The following EDA variants were observed in gnomAD, a reference collection of about 807,000 sequenced individuals.
The protein encoded by EDA is ectodysplasin A, also known as ectodysplasin-A.
EDA carries 2 observed loss-of-function variants against 23.6 expected under a neutral mutation model. The ratio of observed to expected loss-of-function variants is 0.08; its 90% CI spans 0.03 to 0.27. The LOEUF (loss-of-function observed/expected upper bound fraction) is 0.27, where lower values mean the gene tolerates loss of function less well. Ranked by LOEUF, EDA falls within the 10% of genes least tolerant of loss-of-function variation. The probability of loss-of-function intolerance (pLI) is 1.00; values close to 1 mark genes in which losing one functional copy is unlikely to be tolerated. For missense variants in EDA, 229 were observed against 324.2 expected, an observed-to-expected ratio of 0.71 and a Z score of 2.26; for synonymous variants, 131 against 132.0, an observed-to-expected ratio of 0.99 and a Z score of 0.05.
At chrX:69,778,006 A>G (rs2014835656) in intron 1 of EDA, among the ~76,000 whole-genome samples, 1 of 111,439 alleles carries the variant, frequency 9.0e-6, no homozygotes, top group South Asian at 3.7e-4. Context: ...CTCCTATCAT[A>G]AGACGTTGCT....
chrX:69,840,683 A>C (rs1416330224), intron 1 of EDA, among the ~76,000 whole-genome samples: 1 of 112,369 alleles, frequency 8.9e-6, no homozygotes, highest in African/African-American at 3.2e-5. Flanking sequence ...AATTCCATGT[A>C]CTAGATAATT....
At chrX:69,672,079 C>A (rs1427978681) in intron 1 of EDA, among the ~76,000 whole-genome samples, 1 of 111,767 alleles carries the variant, frequency 8.9e-6, no homozygotes, top group Non-Finnish European at 1.9e-5. Context: ...AGCACTTCTG[C>A]CAATTGGTAA....
intron 1 of EDA, among the ~76,000 whole-genome samples, chrX:69,835,993 G>T (rs1418814730): frequency 1.8e-5 from 2 of 112,211 alleles, no homozygotes; most frequent in East Asian, 5.6e-4. Context: ...GTCTGTTGGA[G>T]TTTGCTGGAG....
At chrX:69,672,355 A>G (rs986290294) in intron 1 of EDA, 1 of 112,193 alleles carries the variant, frequency 8.9e-6, no homozygotes, top group Non-Finnish European at 1.9e-5. Context: ...ATGAGCCCCA[A>G]AAAGCAAATG....
intron 1 of EDA, among the ~76,000 whole-genome samples, chrX:69,916,599 G>A (rs1226270088): frequency 2.8e-5 from 3 of 108,852 alleles, no homozygotes; most frequent in Non-Finnish European, 5.7e-5. Flanking sequence ...TAGAGACAGG[G>A]TTTCACTGTG....
At chrX:69,891,407 A>C (rs556183483) in intron 1 of EDA, among the ~76,000 whole-genome samples, 1 of 111,849 alleles carries the variant, frequency 8.9e-6, no homozygotes, top group Non-Finnish European at 1.9e-5. Context: ...CACTGTATAT[A>C]TTCGTTATAT....
chrX:69,703,972 A>G (rs915728348), intron 1 of EDA, among the ~76,000 whole-genome samples: 6 of 112,450 alleles, frequency 5.3e-5, no homozygotes, highest in Non-Finnish European at 9.4e-5. Context: ...ATAGATAACA[A>G]CATAGTATAT....
At position 69,920,630 on chromosome X, in the gene EDA, T is replaced by C. The variant is rs933956772; in HGVS notation, c.397-36397T>C. On this transcript the variant is annotated intron_variant, in intron 1 of 7. Transcript: ENST00000374552. ...TGGAAGGAAGACTACAGAGGTAAAA[T>C]GCCATTTGAAGCACATCATAGCAAA... 2.7e-5 allele frequency among the ~76,000 whole-genome samples: 3 copies of C among 111,238 alleles called. No homozygotes were observed. In the Admixed American group the frequency reaches 2.9e-4, roughly 11 times the overall value.
intron 1 of EDA, among the ~76,000 whole-genome samples, chrX:69,949,323 G>GT (rs1214745842): frequency 9.0e-6 from 1 of 111,576 alleles, no homozygotes; most frequent in Admixed American, 9.5e-5. Flanking sequence ...AGAGGACTTT[G>GT]TTTTTTTAGT....
At chrX:69,876,348 C>T (rs1306690995) in intron 1 of EDA, among the ~76,000 whole-genome samples, 1 of 104,054 alleles carries the variant, frequency 9.6e-6, no homozygotes, top group East Asian at 3.0e-4. Context: ...GATGAGTGCA[C>T]AAAAATCTTA....
At position 69,634,698 on chromosome X, in the gene EDA, A is replaced by G. The variant is rs753708021; in HGVS notation, c.396+17994A>G. ...ATTTTTTTTTCCTACTTCTCTGACT[A>G]TTCCTTCCCAAGTTCTTTTAGAAGG... On this transcript the variant is annotated intron_variant, in intron 1 of 7. Coordinates refer to ENST00000374552, the MANE Select transcript of EDA (RefSeq NM_001399.5). Among the ~76,000 whole-genome samples, 3 of 110,142 alleles carry G rather than the reference A, an allele frequency of 2.7e-5. No individual in the cohort carries two copies. In the South Asian group the frequency reaches 1.2e-3, roughly 43 times the overall value.
chrX:69,824,998 A>G (rs1390084853), intron 1 of EDA, among the ~76,000 whole-genome samples: 263 of 70,773 alleles, frequency 3.7e-3, no homozygotes, highest in African/African-American at 8.4e-3. Flanking sequence ...GCTGGATTAC[A>G]TTTATTGATT....
chrX:69,968,497 G>C (rs1380632905), intron 2 of EDA, among the ~76,000 whole-genome samples: 2 of 111,647 alleles, frequency 1.8e-5, no homozygotes, highest in Non-Finnish European at 3.8e-5. Context: ...GAGAAAATGT[G>C]ACAAGAGGCC....
At chrX:69,934,936 C>T (rs2018650586) in intron 1 of EDA, among the ~76,000 whole-genome samples, 1 of 111,076 alleles carries the variant, frequency 9.0e-6, no homozygotes, top group Non-Finnish European at 1.9e-5. Flanking sequence ...ATAATCCCTA[C>T]TCCCCCACCC....
At chrX:69,788,481 C>T (rs1460687183) in intron 1 of EDA, among the ~76,000 whole-genome samples, 7 of 111,810 alleles carry the variant, frequency 6.3e-5, no homozygotes, top group African/African-American at 2.3e-4. Flanking sequence ...GTGTGGCTGT[C>T]CTTTCTGTTT....
chrX:69,865,228 G>T (rs894097356), intron 1 of EDA, among the ~76,000 whole-genome samples: 1 of 110,038 alleles, frequency 9.1e-6, no homozygotes, highest in Non-Finnish European at 1.9e-5. Context: ...AATGAATAAA[G>T]CCTCTGTATT....
intron 2 of EDA, among the ~76,000 whole-genome samples, chrX:70,003,256 G>T (rs774533266): frequency 4.4e-4 from 49 of 111,647 alleles, no homozygotes; most frequent in Admixed American, 8.6e-4. Flanking sequence ...CCTACACTCA[G>T]TTCTCAAAGC....
At chrX:69,814,987 G>A (rs2016043779) in intron 1 of EDA, among the ~76,000 whole-genome samples, 1 of 111,562 alleles carries the variant, frequency 9.0e-6, no homozygotes, top group African/African-American at 3.3e-5. Flanking sequence ...TTCCCAGCAA[G>A]GCAGGAAATC....
At chrX:69,892,485 C>T (rs1483558850) in intron 1 of EDA, among the ~76,000 whole-genome samples, 1 of 110,487 alleles carries the variant, frequency 9.1e-6, no homozygotes, top group Non-Finnish European at 1.9e-5. Context: ...ATGCTGTGAC[C>T]ACAGCTACTA....
Sources: gnomAD v4.1 joint callset for allele counts (sites outside exome capture counted in the v4.1 genomes callset) on GRCh38, gnomAD v4.1.1 for gene constraint, MANE v1.5 for transcripts, NCBI Gene and HGNC (gene_info 2026-07-23, HGNC 2026-07-21) for gene names.